The following TNR variants were observed in gnomAD, a reference collection of about 807,000 sequenced individuals.
TNR encodes tenascin R.
TNR carries 45 observed loss-of-function variants against 150.4 expected under a neutral mutation model. The observed-to-expected ratio is 0.30, with a 90% confidence interval of 0.24 to 0.38. TNR has a LOEUF of 0.38. Ranked by LOEUF, TNR falls within the 10% of genes least tolerant of loss-of-function variation. The pLI is 1.00. For missense variants in TNR, 1,544 were observed against 1,759.1 expected, an observed-to-expected ratio of 0.88 and a Z score of 2.19; for synonymous variants, 687 against 678.4, an observed-to-expected ratio of 1.01 and a Z score of -0.20.
chr1:175,488,836 G>A (rs954244431), intron 2 of TNR, among the ~76,000 whole-genome samples: 1 of 152,232 alleles, frequency 6.6e-6, no homozygotes, highest in Non-Finnish European at 1.5e-5. Context: ...GGGTGGATGG[G>A]GCAAGGGTTG....
At chr1:175,367,181 T>G (rs1489013534) in intron 10 of TNR, 27 bp downstream of exon 10, 1 of 1,610,964 alleles carries the variant, frequency 6.2e-7, no homozygotes, top group Non-Finnish European at 8.5e-7. Context: ...TAACCTGGTC[T>G]TCTTCCTCAG....
intron 14 of TNR, among the ~76,000 whole-genome samples, chr1:175,361,088 GTCTTGCTCTGT>G (rs1651566846): frequency 5.3e-5 from 8 of 152,068 alleles, no homozygotes; most frequent in Admixed American, 5.2e-4. Flanking sequence ...GAGAGACAAG[GTCTTGCTCTGT>G]CACTCAGGCT....
At chr1:175,700,576 C>T (rs886632483) in intron 1 of TNR, among the ~76,000 whole-genome samples, 1 of 152,160 alleles carries the variant, frequency 6.6e-6, no homozygotes, top group African/African-American at 2.4e-5. Context: ...GGAGACGGTG[C>T]ACCGTGTATG....
At chr1:175,354,146 G>C (rs892260970) in intron 18 of TNR, among the ~76,000 whole-genome samples, 9 of 152,182 alleles carry the variant, frequency 5.9e-5, no homozygotes, top group African/African-American at 1.9e-4. Flanking sequence ...CACCCAGCCA[G>C]AACCTGATGT....
At chr1:175,362,405 G>A (rs2102011212) in intron 14 of TNR, among the ~76,000 whole-genome samples, 1 of 152,232 alleles carries the variant, frequency 6.6e-6, no homozygotes, top group Middle Eastern at 3.4e-3. Flanking sequence ...TGTCTGAAAG[G>A]GCACTGTTTA....
chr1:175,713,145 T>C (rs1667063915), intron 1 of TNR, among the ~76,000 whole-genome samples: 1 of 152,188 alleles, frequency 6.6e-6, no homozygotes, highest in Admixed American at 6.5e-5. Context: ...GTCTTTCCTA[T>C]GAGGCTTAGG....
chr1:175,373,571 G>A (rs1207139580), intron 9 of TNR, among the ~76,000 whole-genome samples: 1 of 152,160 alleles, frequency 6.6e-6, no homozygotes, highest in African/African-American at 2.4e-5. Context: ...TGATTTAAAG[G>A]AAGGGACTGG....
intron 1 of TNR, among the ~76,000 whole-genome samples, chr1:175,534,422 G>A (rs1031998317): frequency 2.4e-4 from 36 of 152,238 alleles, no homozygotes; most frequent in Admixed American, 3.3e-4. Flanking sequence ...ACACACAGGT[G>A]TGTGTTTGTG....
chr1:175,470,556 C>T (rs4652095), intron 2 of TNR, among the ~76,000 whole-genome samples: 93,085 of 151,900 alleles, frequency 0.61, 29,007 homozygotes, highest in African/African-American at 0.75. Flanking sequence ...ATTTATGGGG[C>T]ACATGAAATA....
intron 1 of TNR, among the ~76,000 whole-genome samples, chr1:175,528,681 A>G (rs563778666): frequency 6.6e-6 from 1 of 152,330 alleles, no homozygotes; most frequent in South Asian, 2.1e-4. Flanking sequence ...CTGTAATAAC[A>G]TGCTTAGCTG....
chr1:175,643,546 C>T (rs891726729), intron 1 of TNR, among the ~76,000 whole-genome samples: 18 of 152,102 alleles, frequency 1.2e-4, no homozygotes, highest in Admixed American at 4.6e-4. Context: ...AAAGACAAGA[C>T]GCTGTTATTA....
intron 2 of TNR, among the ~76,000 whole-genome samples, chr1:175,451,196 C>T (rs1360293133): frequency 1.4e-5 from 2 of 145,262 alleles, no homozygotes; most frequent in African/African-American, 5.5e-5. Flanking sequence ...GCTCAAAGCA[C>T]CTGGTTAGTT....
At chr1:175,516,292 A>C (rs1337402913) in intron 2 of TNR, among the ~76,000 whole-genome samples, 1 of 152,212 alleles carries the variant, frequency 6.6e-6, no homozygotes, top group Non-Finnish European at 1.5e-5. Flanking sequence ...AGGGGGACTC[A>C]GTGAACCACC....
chr1:175,739,191 G>A (rs768035727), intron 1 of TNR, among the ~76,000 whole-genome samples: 1 of 152,156 alleles, frequency 6.6e-6, no homozygotes, highest in Non-Finnish European at 1.5e-5. Flanking sequence ...CTGGAAGAAG[G>A]TGTTATAATA....
chr1:175,477,684 G>A (rs1446604770), intron 2 of TNR, among the ~76,000 whole-genome samples: 1 of 152,232 alleles, frequency 6.6e-6, no homozygotes, highest in Non-Finnish European at 1.5e-5. Flanking sequence ...GGATTAAGTG[G>A]AGGATCTGAA....
At chr1:175,590,003 A>T (rs775742629) in intron 1 of TNR, among the ~76,000 whole-genome samples, 5 of 147,048 alleles carry the variant, frequency 3.4e-5, no homozygotes, top group Non-Finnish European at 5.9e-5. Flanking sequence ...TAATAATAAT[A>T]AAAAAAAGAC....
At chr1:175,621,152 A>G (rs1263193535) in intron 1 of TNR, among the ~76,000 whole-genome samples, 5 of 152,202 alleles carry the variant, frequency 3.3e-5, no homozygotes, top group Non-Finnish European at 7.3e-5. Context: ...CTGTTCTGGC[A>G]CATGGCAGGC....
intron 2 of TNR, among the ~76,000 whole-genome samples, chr1:175,453,634 T>C (rs570857037): frequency 4.6e-5 from 7 of 152,202 alleles, no homozygotes; most frequent in East Asian, 1.9e-4. Context: ...GATTATAGCT[T>C]ACCACAGCCT....
intron 2 of TNR, among the ~76,000 whole-genome samples, chr1:175,522,726 C>T (rs1198800752): frequency 1.3e-5 from 2 of 151,976 alleles, no homozygotes; most frequent in African/African-American, 4.8e-5. Context: ...TGCCCCCCCA[C>T]AAAAAATAAA....
Sources: allele counts gnomAD v4.1 joint callset (sites outside exome capture counted in the v4.1 genomes callset), GRCh38; gene constraint gnomAD v4.1.1; transcripts MANE v1.5; gene names NCBI Gene and HGNC (gene_info 2026-07-23, HGNC 2026-07-21).